Variants in CCDC178 observed in about 807,000 individuals in gnomAD.
CCDC178 encodes coiled-coil domain containing 178.
CCDC178 carries 126 observed loss-of-function variants against 117.4 expected under a neutral mutation model. That is an observed-to-expected ratio of 1.07 (90% confidence interval 0.93 to 1.24). The LOEUF is 1.24. Ranked by LOEUF, CCDC178 falls within the 50% of genes most tolerant of loss-of-function variation. The pLI, the probability that CCDC178 is intolerant of heterozygous loss-of-function variation, is 0.00. For missense variants in CCDC178, 1,030 were observed against 986.9 expected (o/e 1.04, Z -0.59); for synonymous variants, 283 against 313.4 (o/e 0.90, Z 1.02).
At chr18:33,418,243 A>G (rs1358345092) in intron 2 of CCDC178, among the ~76,000 whole-genome samples, 1 of 152,204 alleles carries the variant, frequency 6.6e-6, no homozygotes, top group Non-Finnish European at 1.5e-5. Context: ...AAACTACATG[A>G]TCATCTCAAT....
At chr18:33,318,848 T>C (rs887147560) in intron 11 of CCDC178, among the ~76,000 whole-genome samples, 6 of 152,062 alleles carry the variant, frequency 3.9e-5, no homozygotes. Context: ...TCCTTCTTAA[T>C]GGCAAAAATG....
chr18:33,155,934 G>A (rs1488522805), intron 20 of CCDC178, among the ~76,000 whole-genome samples: 2 of 151,676 alleles, frequency 1.3e-5, no homozygotes, highest in Non-Finnish European at 2.9e-5. Context: ...GTTATCAGGG[G>A]CTACCCCTAC....
chr18:33,234,739 C>T (rs1401401709), intron 15 of CCDC178, among the ~76,000 whole-genome samples: 1 of 151,904 alleles, frequency 6.6e-6, no homozygotes, highest in African/African-American at 2.4e-5. Flanking sequence ...TTACTTTTAC[C>T]AACCTTTATT....
At chr18:33,206,539 T>C (rs2059046255) in intron 20 of CCDC178, among the ~76,000 whole-genome samples, 1 of 152,104 alleles carries the variant, frequency 6.6e-6, no homozygotes, top group African/African-American at 2.4e-5. Flanking sequence ...GCAGAAGAAG[T>C]AAAAAATTGT....
intron 18 of CCDC178, among the ~76,000 whole-genome samples, chr18:33,221,133 T>G (rs1434149043): frequency 1.3e-5 from 2 of 152,028 alleles, no homozygotes; most frequent in Non-Finnish European, 1.5e-5. Flanking sequence ...GCACTCTCAG[T>G]CATCTTCCTC....
intron 10 of CCDC178, among the ~76,000 whole-genome samples, chr18:33,331,708 A>G (rs1205432400): frequency 1.3e-5 from 2 of 152,208 alleles, no homozygotes; most frequent in African/African-American, 4.8e-5. Context: ...AAAAAGGAGG[A>G]CAGTACTTGC....
At chr18:33,347,142 C>A (rs2062907254) in intron 8 of CCDC178, among the ~76,000 whole-genome samples, 3 of 152,130 alleles carry the variant, frequency 2.0e-5, no homozygotes, top group African/African-American at 4.8e-5. Context: ...TGAGTCCTAT[C>A]CTTGTAGGAC....
At chr18:33,123,588 T>C (rs1193531716) in intron 20 of CCDC178, among the ~76,000 whole-genome samples, 1 of 152,108 alleles carries the variant, frequency 6.6e-6, no homozygotes, top group Non-Finnish European at 1.5e-5. Context: ...TAAAAGAACA[T>C]TTTATCACAA....
intron 20 of CCDC178, among the ~76,000 whole-genome samples, chr18:33,116,313 T>C (rs67284056): frequency 0.045 from 6,890 of 152,274 alleles, 225 homozygotes; most frequent in Middle Eastern, 0.071. Flanking sequence ...CAAAGAGTAG[T>C]TGAAAAGTCT....
At chr18:33,229,393 T>C (rs1322105020) in intron 15 of CCDC178, among the ~76,000 whole-genome samples, 1 of 152,212 alleles carries the variant, frequency 6.6e-6, no homozygotes, top group East Asian at 1.9e-4. Flanking sequence ...ACAATATAAA[T>C]GCCATGTGTT....
chr18:33,411,557 A>G (rs1009256687), intron 3 of CCDC178, among the ~76,000 whole-genome samples: 1 of 151,980 alleles, frequency 6.6e-6, no homozygotes, highest in East Asian at 1.9e-4. Context: ...AAAATAAAGT[A>G]ATGCAATAAA....
At chr18:33,316,472 C>A (rs541054747) in intron 11 of CCDC178, among the ~76,000 whole-genome samples, 12 of 152,176 alleles carry the variant, frequency 7.9e-5, no homozygotes, top group Admixed American at 2.0e-4. Flanking sequence ...CCCCTCCCCC[C>A]ACACGCCGTG....
intron 12 of CCDC178, among the ~76,000 whole-genome samples, chr18:33,284,210 C>G (rs557952715): frequency 1.3e-5 from 2 of 152,214 alleles, no homozygotes; most frequent in East Asian, 3.9e-4. Flanking sequence ...ATGATGAGAA[C>G]ACATGGATAC....
chr18:32,962,875 C>T (rs1350161363), intron 22 of CCDC178, among the ~76,000 whole-genome samples: 2 of 151,968 alleles, frequency 1.3e-5, no homozygotes, highest in Non-Finnish European at 1.5e-5. Flanking sequence ...ACAAAAAATA[C>T]CTAAGAAGTG....
At chr18:33,307,385 G>A (rs867184545) in intron 11 of CCDC178, among the ~76,000 whole-genome samples, 6 of 152,276 alleles carry the variant, frequency 3.9e-5, no homozygotes, top group Admixed American at 6.5e-5. Context: ...AGAGACTGAT[G>A]GCTTTTTGGC....
chr18:33,045,606 A>C (rs916734684), intron 21 of CCDC178, among the ~76,000 whole-genome samples: 3 of 152,234 alleles, frequency 2.0e-5, no homozygotes, highest in African/African-American at 4.8e-5. Flanking sequence ...TCTGGCCTTC[A>C]TCTGTATAAA....
intron 20 of CCDC178, among the ~76,000 whole-genome samples, chr18:33,148,795 C>CTT (rs2058305962): frequency 6.6e-6 from 1 of 152,120 alleles, no homozygotes; most frequent in Non-Finnish European, 1.5e-5. Context: ...CTTGGTGAGA[C>CTT]TTAGTTGGTT....
intron 15 of CCDC178, among the ~76,000 whole-genome samples, chr18:33,230,799 G>A (rs941567659): frequency 1.5e-4 from 23 of 152,266 alleles, no homozygotes; most frequent in Admixed American, 1.3e-3. Context: ...ACTTAGGATT[G>A]CATGCAATAT....
intron 21 of CCDC178, among the ~76,000 whole-genome samples, chr18:32,980,806 G>C (rs1321617487): frequency 1.3e-5 from 2 of 152,080 alleles, no homozygotes; most frequent in East Asian, 3.9e-4. Context: ...TTTTGGTAAA[G>C]ATGTGAAAAA....
Sources: allele counts gnomAD v4.1 joint callset (sites outside exome capture counted in the v4.1 genomes callset), GRCh38; gene constraint gnomAD v4.1.1; transcripts MANE v1.5; gene names NCBI Gene and HGNC (gene_info 2026-07-23, HGNC 2026-07-21).